SFMBT1: variants seen among roughly 807,000 people sequenced by gnomAD.
SFMBT1 encodes scm-like with four MBT domains protein 1.
Under a neutral mutation model 108.7 loss-of-function variants are expected in SFMBT1, and 32 were observed. That is an observed-to-expected ratio of 0.29 (90% CI 0.22 to 0.40). The LOEUF is 0.40. SFMBT1 is among the 10% of genes least tolerant of loss of function. The pLI, the probability that SFMBT1 is intolerant of heterozygous loss-of-function variation, is 1.00. For missense variants in SFMBT1, 816 were observed against 1,059.6 expected (o/e 0.77, Z 3.19); for synonymous variants, 348 against 369.5 (o/e 0.94, Z 0.67).
At chr3:53,031,176 T>C (rs1446486399) in intron 1 of SFMBT1, among the ~76,000 whole-genome samples, 1 of 152,146 alleles carries the variant, frequency 6.6e-6, no homozygotes, top group Non-Finnish European at 1.5e-5. Flanking sequence ...TTAACAACAG[T>C]GGGAGGCAAG....
chr3:52,908,375 A>G (rs538089751), intron 17 of SFMBT1, among the ~76,000 whole-genome samples: 1 of 152,018 alleles, frequency 6.6e-6, no homozygotes, highest in Non-Finnish European at 1.5e-5. Flanking sequence ...TCCAGCAGCC[A>G]TGTGTGACTT....
intron 2 of SFMBT1, among the ~76,000 whole-genome samples, chr3:52,962,805 T>A (rs1467163040): frequency 2.6e-4 from 2 of 7,556 alleles, no homozygotes. Flanking sequence ...AGGCTCCCTG[T>A]CTCAAAAAAA....
Position 52,905,003 on chromosome 3 carries a change from G to T in SFMBT1, c.*133C>A. 3 of 1,247,434 alleles carry T rather than the reference G, an allele frequency of 2.4e-6. No individual in the cohort carries two copies. Among genetic ancestry groups the T allele is most frequent in the Admixed American group, 2.7e-5 (1 of 36,656 alleles). The allele number at this position is 1,247,434 out of a possible 1,614,324, so 77.3% of individuals were successfully genotyped here. Reference sequence around the variant, plus strand: ...TCCTCACTGTGAGTCCTCCTTCCCCGAAAGTGCAAAGAGAGCAAGCTGATA... The same window carrying T: ...TCCTCACTGTGAGTCCTCCTTCCCCTAAAGTGCAAAGAGAGCAAGCTGATA... On this transcript the variant is annotated 3_prime_UTR_variant, in exon 21 of 21. Coordinates refer to ENST00000394752, the MANE Select transcript of SFMBT1 (RefSeq NM_016329.4).
intron 1 of SFMBT1, among the ~76,000 whole-genome samples, chr3:53,037,435 T>C (rs1699902447): frequency 6.6e-6 from 1 of 152,216 alleles, no homozygotes; most frequent in African/African-American, 2.4e-5. Context: ...GCATATGGTG[T>C]TATTCATATT....
chr3:52,964,249 C>G (rs140304082), intron 2 of SFMBT1, among the ~76,000 whole-genome samples: 119 of 152,274 alleles, frequency 7.8e-4, no homozygotes, highest in South Asian at 5.0e-3. Context: ...GTGGCTCACA[C>G]CTGTAAATCC....
chr3:52,986,703 G>A (rs1296352520), intron 1 of SFMBT1, among the ~76,000 whole-genome samples: 1 of 151,122 alleles, frequency 6.6e-6, no homozygotes, highest in African/African-American at 2.4e-5. Context: ...TTTAACCTGG[G>A]AGGTGGAGGT....
chr3:53,026,724 CT>C (rs1699504969), intron 1 of SFMBT1, among the ~76,000 whole-genome samples: 1 of 152,160 alleles, frequency 6.6e-6, no homozygotes, highest in African/African-American at 2.4e-5. Context: ...AAAGGAAGAG[CT>C]GGCAAGAACC....
Position 52,921,748 on chromosome 3 carries a change from G to T in SFMBT1, c.1215C>A (p.Thr405=). 4 of 1,614,066 alleles carry T rather than the reference G, an allele frequency of 2.5e-6. No individual in the cohort carries two copies. The highest frequency in any genetic ancestry group is 3.4e-6 in the Non-Finnish European group (4 of 1,179,996). ...GGTAGGAGCCTCTCACTGCAGTGAT[G>T]GTAGCAACACACACTTCTTCAGGGA... ...PILPEEVCVA[T]ITAVRGSYLW... is the part of the protein sequence containing the mutation. The change falls in exon 11 of 21, where the codon ACC becomes ACA. Residue 405 remains threonine (T), a synonymous_variant. Transcript: ENST00000394752.
intron 1 of SFMBT1, among the ~76,000 whole-genome samples, chr3:52,983,549 G>C (rs915947276): frequency 6.6e-6 from 1 of 152,188 alleles, no homozygotes; most frequent in Non-Finnish European, 1.5e-5. Context: ...GAAAAAAACT[G>C]AACAAGGGAG....
Position 52,979,843 on chromosome 3 carries a change from C to T in SFMBT1, c.-130-10585G>A, listed in dbSNP as rs114392083. On this transcript the variant is annotated intron_variant, in intron 1 of 20. Transcript: ENST00000394752. The stretch of plus-strand genomic sequence containing the variant: ...AGAAATATTTTGAAACCTGCCCTCA[C>T]GAATCTCATAATCTAAAGTGTGTAG... Among the ~76,000 whole-genome samples, 847 of 152,218 alleles carry T rather than the reference C, an allele frequency of 5.6e-3. 11 individuals carry two copies. Among genetic ancestry groups the T allele is most frequent in the African/African-American group, 0.019 (808 of 41,522 alleles).
In SFMBT1 at chr3:52,918,474, C is replaced by A. The variant is rs368307677; in HGVS notation, c.1415+10G>T. On this transcript the variant is annotated intron_variant, in intron 13 of 20. Transcript: ENST00000394752. ...AACTTGTAAACTGTTCATATTATTACGTTACTTACTGTTTTTCTGGCTGAA... is the reference window on the plus strand; with the variant it reads ...AACTTGTAAACTGTTCATATTATTAAGTTACTTACTGTTTTTCTGGCTGAA... 2.6e-6 allele frequency: 4 copies of A among 1,558,692 alleles called. No homozygotes were observed. The highest frequency in any genetic ancestry group is 3.5e-6 in the Non-Finnish European group (4 of 1,157,394).
At chr3:52,947,761 G>A (rs1030676188) in intron 3 of SFMBT1, among the ~76,000 whole-genome samples, 7 of 148,922 alleles carry the variant, frequency 4.7e-5, no homozygotes, top group Admixed American at 1.3e-4. Context: ...TCGAGACAGC[G>A]TCTCCTTCTG....
chr3:52,966,483 A>G (rs1237518204), intron 2 of SFMBT1, among the ~76,000 whole-genome samples: 1 of 140,072 alleles, frequency 7.1e-6, no homozygotes. Context: ...AAGTTAGCCA[A>G]GCGTGGTGGT....
At chr3:52,998,029 A>G (rs1698400865) in intron 1 of SFMBT1, among the ~76,000 whole-genome samples, 1 of 150,656 alleles carries the variant, frequency 6.6e-6, no homozygotes, top group Admixed American at 6.7e-5. Context: ...GGCATTAAGG[A>G]CATTCACAAT....
chr3:52,915,917 C>T (rs757183276), intron 14 of SFMBT1, among the ~76,000 whole-genome samples: 25 of 152,132 alleles, frequency 1.6e-4, no homozygotes, highest in Non-Finnish European at 2.6e-4. Flanking sequence ...TGGCACACAA[C>T]GGTTGATCAG....
chr3:52,943,199 T>C (rs1275029702), intron 4 of SFMBT1, among the ~76,000 whole-genome samples, 154 bp downstream of exon 4: 1 of 152,246 alleles, frequency 6.6e-6, no homozygotes, highest in Non-Finnish European at 1.5e-5. Context: ...GGGAAATGTG[T>C]ATTATTCCTT....
chr3:53,043,637 T>G (rs1041292362), intron 1 of SFMBT1, among the ~76,000 whole-genome samples: 2 of 152,220 alleles, frequency 1.3e-5, no homozygotes, highest in Non-Finnish European at 2.9e-5. Context: ...TGGGAAGTCA[T>G]AGATTAATAC....
intron 10 of SFMBT1, among the ~76,000 whole-genome samples, chr3:52,922,477 T>A (rs1296161068): frequency 6.6e-6 from 1 of 152,236 alleles, no homozygotes; most frequent in African/African-American, 2.4e-5. Context: ...AGACAAAAAC[T>A]TAACATCTAT....
At chr3:52,985,135 T>A (rs1302420196) in intron 1 of SFMBT1, among the ~76,000 whole-genome samples, 1 of 152,220 alleles carries the variant, frequency 6.6e-6, no homozygotes, top group African/African-American at 2.4e-5. Flanking sequence ...GTTGAAACAG[T>A]ATGTCTTTGT....
Sources: gnomAD v4.1 joint callset for allele counts (sites outside exome capture counted in the v4.1 genomes callset) on GRCh38, gnomAD v4.1.1 for gene constraint, MANE v1.5 for transcripts, NCBI Gene and HGNC (gene_info 2026-07-23, HGNC 2026-07-21) for gene names.